Variants in GPHB5 observed in about 807,000 individuals in gnomAD.
GPHB5 encodes the protein glycoprotein hormone subunit beta 5.
In GPHB5, 7 loss-of-function variants were observed where a neutral mutation model predicts 10.1. The observed-to-expected ratio is 0.69, with a 90% CI of 0.39 to 1.30. GPHB5 has a LOEUF of 1.30. GPHB5 is among the 50% of genes most tolerant of loss of function. The pLI is 0.01. For missense variants in GPHB5, 161 were observed against 169.8 expected (o/e 0.95, Z 0.29); for synonymous variants, 68 against 70.1 (o/e 0.97, Z 0.15).
chr14:63,315,642 T>A (rs1172722696), intron 2 of GPHB5, among the ~76,000 whole-genome samples: 1 of 152,228 alleles, frequency 6.6e-6, no homozygotes, highest in Non-Finnish European at 1.5e-5. Context: ...ATCATGAACA[T>A]CCTTATTTTC....
intron 2 of GPHB5, among the ~76,000 whole-genome samples, chr14:63,314,023 A>C (rs1488331853): frequency 6.6e-6 from 1 of 152,244 alleles, no homozygotes; most frequent in Non-Finnish European, 1.5e-5. Flanking sequence ...GAGAGTTTCA[A>C]TAACTATTTG....
intron 1 of GPHB5, among the ~76,000 whole-genome samples, chr14:63,318,219 G>C (rs74502862): frequency 0.034 from 5,104 of 152,234 alleles, 297 homozygotes; most frequent in African/African-American, 0.12. Flanking sequence ...CAGAATACAT[G>C]AATACATATA....
intron 1 of GPHB5, among the ~76,000 whole-genome samples, chr14:63,318,606 C>G (rs994156156): frequency 1.1e-4 from 16 of 152,190 alleles, no homozygotes; most frequent in Non-Finnish European, 2.2e-4. Context: ...CTTGGTCATT[C>G]CCCGTGCTCT....
At chr14:63,316,196 T>C (rs921208802) in intron 2 of GPHB5, among the ~76,000 whole-genome samples, 2 of 152,354 alleles carry the variant, frequency 1.3e-5, no homozygotes, top group Admixed American at 1.3e-4. Flanking sequence ...ATAGAGTAGT[T>C]TCATCCAATT....
intron 2 of GPHB5, among the ~76,000 whole-genome samples, chr14:63,314,898 C>CT (rs1272005861): frequency 8.6e-5 from 6 of 70,010 alleles, no homozygotes; most frequent in African/African-American, 2.6e-4. Context: ...TTTTTTTTTT[C>CT]TTTTTTCTTT....
chr14:63,314,469 G>A (rs1324624473), intron 2 of GPHB5, among the ~76,000 whole-genome samples: 2 of 150,536 alleles, frequency 1.3e-5, no homozygotes, highest in East Asian at 3.9e-4. Context: ...CTCCCAGGCT[G>A]GAGTTCAGTG....
In GPHB5 at chr14:63,317,568, T is replaced by C. The variant is rs143944901; in HGVS notation, c.204+78A>G. The C allele has an allele frequency of 6.7e-3, 9,451 of 1,402,758 alleles. 36 individuals carry two copies. The highest frequency in any genetic ancestry group is 8.5e-3 in the Non-Finnish European group (8,624 of 1,018,032). 86.9% of individuals were successfully genotyped at this position (1,402,758 alleles called of 1,614,324 possible). On this transcript the variant is annotated intron_variant, in intron 2 of 2. Transcript: ENST00000621500. ...TGTCCCAGCTCTACCTCATATCATT[T>C]AAAAAGTGAACTCTTAAGAATCAGA... is the stretch of plus-strand genomic sequence containing the variant.
chr14:63,313,067 G>A lies in GPHB5; in HGVS notation c.254C>T (p.Thr85Ile), dbSNP rs776469076. 11 of 1,607,202 alleles carry A rather than the reference G, an allele frequency of 6.8e-6. No homozygotes were observed. The South Asian group carries it at 1.2e-4, about 18-fold the overall frequency. ...PYIEAHHRVCTYNETKQVTVK... is the reference protein window; with the variant it reads ...PYIEAHHRVCIYNETKQVTVK... ...AGTCACCTGTTTGGTCTCGTTGTAG[G>A]TACAGACTCGATGATGGGCTTCAAT... The change falls in exon 3 of 3, where the codon ACC becomes ATC. Residue 85 changes from threonine to isoleucine, a missense_variant. By Grantham distance (89) the Thr-to-Ile change is moderately conservative. Transcript: ENST00000621500.
chr14:63,312,852 A>AT lies in GPHB5; in HGVS notation c.*75_*76insA. On this transcript the variant is annotated 3_prime_UTR_variant, in exon 3 of 3. Transcript: ENST00000621500. ...CTCCTCCATGGGTGTGGTCGAAATT[A>AT]AACAGTCTTGCATCCAGGAAGTATA... The AT allele has an allele frequency of 1.5e-6, 2 of 1,363,156 alleles. No individual in the cohort carries two copies. Among genetic ancestry groups the AT allele is most frequent in the Middle Eastern group, 2.4e-4 (1 of 4,162 alleles). The allele number at this position is 1,363,156 out of a possible 1,614,324, so 84.4% of individuals were successfully genotyped here.
rs553841513 is a variant in GPHB5 at position 63,317,867 on chromosome 14, G to A, written c.-1-17C>T. The stretch of plus-strand genomic sequence containing the variant: ...AGCTTCATGCTGCTCTTCCGGAGAG[G>A]GAAAGGACAGAGTTTAACAGATCTG... On this transcript the variant is annotated splice_polypyrimidine_tract_variant and intron_variant, in intron 1 of 2. Coordinates refer to ENST00000621500, the MANE Select transcript of GPHB5 (RefSeq NM_145171.4). 5.3e-5 allele frequency: 85 copies of A among 1,612,476 alleles called. 2 individuals are homozygous for A. In the South Asian group the frequency reaches 8.8e-4, roughly 17 times the overall value.
At chr14:63,318,783 C>G (rs561309759) in intron 1 of GPHB5, 41 bp downstream of exon 1, 1 of 152,322 alleles carries the variant, frequency 6.6e-6, no homozygotes, top group East Asian at 1.9e-4. Flanking sequence ...CTGGGCTTCC[C>G]CTCCTCTGGA....
Position 63,312,866 on chromosome 14 carries a change from C to T in GPHB5, c.*62G>A. 2 of 1,447,264 alleles carry T rather than the reference C, an allele frequency of 1.4e-6. No homozygotes were observed. The highest frequency in any genetic ancestry group is 2.7e-5 in the South Asian group (2 of 74,260). 89.7% of individuals were successfully genotyped at this position (1,447,264 alleles called of 1,614,324 possible). A position where few individuals can be genotyped will look rare whatever the true frequency, so the allele number is the denominator to read the frequency against. On this transcript the variant is annotated 3_prime_UTR_variant, in exon 3 of 3. Coordinates refer to ENST00000621500, the MANE Select transcript of GPHB5 (RefSeq NM_145171.4). ...TGGTCGAAATTAAACAGTCTTGCAT[C>T]CAGGAAGTATAACTGCATGTGCTGC... is the stretch of plus-strand genomic sequence containing the variant.
At chr14:63,314,702 A>G (rs920586867) in intron 2 of GPHB5, among the ~76,000 whole-genome samples, 2 of 152,062 alleles carry the variant, frequency 1.3e-5, no homozygotes, top group Non-Finnish European at 2.9e-5. Flanking sequence ...GTGAGCCACC[A>G]CGCCCAGCCA....
rs1882743986 is a variant in GPHB5 at position 63,314,895 on chromosome 14, TTTC to T, written c.205-1782_205-1780del. The stretch of plus-strand genomic sequence containing the variant: ...GAAAATAGCAGCCTTACCTTTTTTT[TTTC>T]TTTTTTCTTTTTTTTTTTTTTTTGA... On this transcript the variant is annotated intron_variant, in intron 2 of 2. Coordinates refer to ENST00000621500, the MANE Select transcript of GPHB5 (RefSeq NM_145171.4). Among the ~76,000 whole-genome samples the T allele has an allele frequency of 3.9e-5, 3 of 77,906 alleles. No individual in the cohort carries two copies. In the South Asian group the frequency reaches 7.8e-4, roughly 20 times the overall value. The allele number at this position is 77,906 out of a possible 152,430, so 51.1% of individuals were successfully genotyped here. A position where few individuals can be genotyped will look rare whatever the true frequency, so the allele number is the denominator to read the frequency against.
At chr14:63,313,199 A>T (rs574998580) in intron 2 of GPHB5, 83 bp from the exon 3 acceptor site, 1 of 1,195,574 alleles carries the variant, frequency 8.4e-7, no homozygotes, top group East Asian at 2.6e-5. Flanking sequence ...TCACTATCAG[A>T]AATTAACTTG....
chr14:63,317,811 G>A lies in GPHB5; in HGVS notation c.39C>T (p.Leu13=), dbSNP rs1241275949. 5.6e-6 allele frequency: 9 copies of A among 1,613,964 alleles called. No homozygotes were observed. The highest frequency in any genetic ancestry group is 4.2e-6 in the Non-Finnish European group (5 of 1,179,912). The change falls in exon 2 of 3, where the codon CTC becomes CTT. Residue 13 remains leucine, a synonymous_variant. Transcript: ENST00000621500. ...CACAGCCATAGCCAGCCAGAAGGAG[G>A]AGGGCCATGGGGCCAAGGAAGAGGA... The part of the protein sequence containing the change: ...LAFLFLGPMA[L]LLLAGYGCVL...
intron 1 of GPHB5, among the ~76,000 whole-genome samples, chr14:63,318,365 G>A (rs1208683850): frequency 1.3e-5 from 2 of 152,074 alleles, no homozygotes; most frequent in East Asian, 1.9e-4. Context: ...TATATGCATC[G>A]TTACTAAACC....
chr14:63,316,591 C>T (rs1358223495), intron 2 of GPHB5, among the ~76,000 whole-genome samples: 1 of 152,100 alleles, frequency 6.6e-6, no homozygotes, highest in Non-Finnish European at 1.5e-5. Flanking sequence ...AGAAAGGGAG[C>T]TGGCACTGCA....
At chr14:63,318,341 A>T (rs1312855361) in intron 1 of GPHB5, among the ~76,000 whole-genome samples, 1 of 152,224 alleles carries the variant, frequency 6.6e-6, no homozygotes, top group Non-Finnish European at 1.5e-5. Flanking sequence ...ATAAATATTA[A>T]TAATAGTATT....
Sources: allele counts gnomAD v4.1 joint callset (sites outside exome capture counted in the v4.1 genomes callset), GRCh38; gene constraint gnomAD v4.1.1; transcripts MANE v1.5; gene names NCBI Gene and HGNC (gene_info 2026-07-23, HGNC 2026-07-21).